RYR3: variants seen among roughly 807,000 people sequenced by gnomAD.
RYR3 encodes the protein brain ryanodine receptor-calcium release channel.
A neutral mutation model predicts 584.3 loss-of-function variants in RYR3; 207 were observed. That is an observed-to-expected ratio of 0.35 (90% CI 0.32 to 0.40). RYR3 has a LOEUF of 0.40. RYR3 is among the 10% of genes least tolerant of loss of function. The pLI is 1.00. For synonymous variants in RYR3, 2,416 were observed against 2,248.5 expected, an observed-to-expected ratio of 1.07 and a Z score of -2.11; for missense variants, 5,616 against 6,089.2, an observed-to-expected ratio of 0.92 and a Z score of 2.59.
chr15:33,865,331 T>G lies in RYR3; in HGVS notation c.*105T>G. The G allele has an allele frequency of 2.5e-6, 2 of 788,642 alleles. No homozygotes were observed. Among genetic ancestry groups the G allele is most frequent in the South Asian group, 1.9e-5 (1 of 53,088 alleles). The allele number at this position is 788,642 out of a possible 1,614,324, so 48.9% of individuals were successfully genotyped here. Reference sequence around the variant, plus strand: ...TATCTGAAATGTGACATTTTCTAAATGCCTCCCTTAAAAAAAAAACTGCTG... The same window carrying G: ...TATCTGAAATGTGACATTTTCTAAAGGCCTCCCTTAAAAAAAAAACTGCTG... On this transcript the variant is annotated 3_prime_UTR_variant, in exon 104 of 104. Transcript: ENST00000634891.
rs1305820755 is a variant in RYR3, at chr15:33,706,963, G to C, written c.6528G>C (p.Met2176Ile). ...GCTGTGGCCTACAGAGCTGCCCCAT[G>C]CTTCTGGCCAAAGGATACCCTGATG... is the stretch of plus-strand genomic sequence containing the variant. Reference protein sequence around the residue: ...LAGCGLQSCPMLLAKGYPDVG... With the variant: ...LAGCGLQSCPILLAKGYPDVG... Residue 2176 changes from methionine (M) to isoleucine (I), a missense_variant, in exon 43 of 104, where the codon ATG becomes ATC. Coordinates refer to ENST00000634891, the MANE Select transcript of RYR3 (RefSeq NM_001036.6). The C allele has an allele frequency of 6.2e-7, 1 of 1,612,612 alleles. No individual in the cohort carries two copies. Among genetic ancestry groups the C allele is most frequent in the East Asian group, 2.2e-5 (1 of 44,858 alleles).
At chr15:33,801,192 A>G (rs2075899635) in intron 68 of RYR3, among the ~76,000 whole-genome samples, 1 of 152,150 alleles carries the variant, frequency 6.6e-6, no homozygotes, top group African/African-American at 2.4e-5. Flanking sequence ...GGATTCAAAG[A>G]TTTTCTGACT....
chr15:33,657,903 C>T lies in RYR3; in HGVS notation c.4309-1817C>T, dbSNP rs370018330. ...GAACAAATGATAGCACTAAATCATG[C>T]AATCTTCTAAGTCACAGCCATAAAA... On this transcript the variant is annotated intron_variant, in intron 32 of 103. Coordinates refer to ENST00000634891, the MANE Select transcript of RYR3 (RefSeq NM_001036.6). Among the ~76,000 whole-genome samples the T allele has an allele frequency of 9.0e-4, 137 of 152,340 alleles. 5 individuals are homozygous for T. In the South Asian group the frequency reaches 0.027, roughly 30 times the overall value.
Position 33,817,689 on chromosome 15 carries a change from T to A in RYR3, c.10599+731T>A, listed in dbSNP as rs146679917. On this transcript the variant is annotated intron_variant, in intron 75 of 103. Transcript: ENST00000634891. ...TTCCTTCTTTTTTAAAGCCTTTTCCTATTGTTTTCTTTCCCTTTGTCTTTA... is the reference window on the plus strand; with the variant it reads ...TTCCTTCTTTTTTAAAGCCTTTTCCAATTGTTTTCTTTCCCTTTGTCTTTA... Among the ~76,000 whole-genome samples, 8 of 152,354 alleles carry A rather than the reference T, an allele frequency of 5.3e-5. No homozygotes were observed. In the East Asian group the frequency reaches 1.5e-3, roughly 29 times the overall value.
chr15:33,494,504 T>C (rs1343212822), intron 2 of RYR3, among the ~76,000 whole-genome samples: 1 of 152,170 alleles, frequency 6.6e-6, no homozygotes, highest in African/African-American at 2.4e-5. Flanking sequence ...GTCAGTTCTC[T>C]TGGGGCAGCT....
chr15:33,350,945 C>A (rs1973161975), intron 1 of RYR3, among the ~76,000 whole-genome samples: 1 of 152,030 alleles, frequency 6.6e-6, no homozygotes. Context: ...ACACAAAAAA[C>A]CCTTCAAAAA....
chr15:33,457,965 A>G (rs2047700709), intron 1 of RYR3, among the ~76,000 whole-genome samples: 2 of 152,258 alleles, frequency 1.3e-5, no homozygotes, highest in Non-Finnish European at 1.5e-5. Flanking sequence ...AATAAGGATC[A>G]GCACGTTTCC....
At chr15:33,759,621 G>A (rs1032290228) in intron 60 of RYR3, among the ~76,000 whole-genome samples, 2 of 152,160 alleles carry the variant, frequency 1.3e-5, no homozygotes, top group African/African-American at 4.8e-5. Context: ...AACAAACAAA[G>A]CCTTCAAGAA....
chr15:33,597,633 G>T (rs1188898646), intron 16 of RYR3, among the ~76,000 whole-genome samples: 1 of 126,630 alleles, frequency 7.9e-6, no homozygotes. Context: ...AAAAAAAAAA[G>T]ATTTTACTTA....
intron 1 of RYR3, among the ~76,000 whole-genome samples, chr15:33,389,168 G>A (rs2041831865): frequency 6.6e-6 from 1 of 151,306 alleles, no homozygotes; most frequent in Non-Finnish European, 1.5e-5. Context: ...CATGGCACAT[G>A]TATACATATG....
intron 89 of RYR3, 107 bp downstream of exon 89, chr15:33,839,065 G>T: frequency 7.5e-7 from 1 of 1,340,798 alleles, no homozygotes; most frequent in African/African-American, 1.5e-5. Flanking sequence ...AACACTCTAT[G>T]TTAGACAGTG....
Position 33,757,487 on chromosome 15 carries a change from C to G in RYR3, c.8596C>G (p.Leu2866Val). 2.5e-6 allele frequency: 4 copies of G among 1,607,674 alleles called. No individual in the cohort carries two copies. The highest frequency in any genetic ancestry group is 3.4e-6 in the Non-Finnish European group (4 of 1,177,290). The change falls in exon 60 of 104, where the codon CTG (leucine) becomes GTG (valine). Residue 2866 changes from leucine to valine, a missense_variant. Physicochemically the swap from Leu to Val is conservative, Grantham distance 32 (BLOSUM62 1). Coordinates refer to ENST00000634891, the MANE Select transcript of RYR3 (RefSeq NM_001036.6). ...GTGCGTTTCCCAGGTTCTCCTCCCG[C>G]TGGTTGACCAGTACTTCACCAGTCA... ...IKFFAKVLLP[L>V]VDQYFTSHCL...
At chr15:33,816,429 ATC>A (rs1480116795) in intron 74 of RYR3, among the ~76,000 whole-genome samples, 3 of 152,240 alleles carry the variant, frequency 2.0e-5, no homozygotes, top group African/African-American at 7.2e-5. Context: ...GTATTTTGGT[ATC>A]TCTAAGATGA....
At chr15:33,566,616 G>A in intron 11 of RYR3, 62 bp from the exon 12 acceptor site, 2 of 1,573,012 alleles carry the variant, frequency 1.3e-6, no homozygotes, top group South Asian at 1.1e-5. Flanking sequence ...TGCGGGAAAT[G>A]TTGACTGCCC....
At chr15:33,860,523 C>A in intron 100 of RYR3, 72 bp from the exon 101 acceptor site, 1 of 859,334 alleles carries the variant, frequency 1.2e-6, no homozygotes, top group Non-Finnish European at 1.7e-6. Flanking sequence ...AACAAAGTAG[C>A]TTCTTCCTTT....
chr15:33,811,313 G>T (rs1004087357), intron 72 of RYR3, among the ~76,000 whole-genome samples: 1 of 152,038 alleles, frequency 6.6e-6, no homozygotes, highest in South Asian at 2.1e-4. Flanking sequence ...AGACCATCCT[G>T]GCTAACACGG....
chr15:33,416,507 G>C (rs147211892), intron 1 of RYR3, among the ~76,000 whole-genome samples: 1 of 152,106 alleles, frequency 6.6e-6, no homozygotes, highest in Non-Finnish European at 1.5e-5. Context: ...TTTGAGAAAT[G>C]TCTGTCCTTC....
chr15:33,434,205 A>G (rs569754670), intron 1 of RYR3, among the ~76,000 whole-genome samples: 61 of 152,168 alleles, frequency 4.0e-4, no homozygotes, highest in Non-Finnish European at 6.9e-4. Context: ...AAACCAGTAA[A>G]TGTAGATTGT....
chr15:33,640,044 C>T (rs933399645), intron 27 of RYR3, among the ~76,000 whole-genome samples: 5 of 144,198 alleles, frequency 3.5e-5, no homozygotes, highest in African/African-American at 1.3e-4. Flanking sequence ...CCAGGCACTC[C>T]CCTGAGGGAC....
Sources: gnomAD v4.1 joint callset for allele counts (sites outside exome capture counted in the v4.1 genomes callset) on GRCh38, gnomAD v4.1.1 for gene constraint, MANE v1.5 for transcripts, NCBI Gene and HGNC (gene_info 2026-07-23, HGNC 2026-07-21) for gene names.